The following RPAP2 variants were observed in gnomAD, a reference collection of about 807,000 sequenced individuals.
The protein encoded by RPAP2 is RNA polymerase II associated protein 2.
A neutral mutation model predicts 73.1 loss-of-function variants in RPAP2; 52 were observed. The ratio of observed to expected loss-of-function variants is 0.71; its 90% CI spans 0.57 to 0.90. The LOEUF (loss-of-function observed/expected upper bound fraction) is 0.90, where lower values mean the gene tolerates loss of function less well. Among genes scored for constraint, RPAP2 ranks in the 40% least tolerant of loss-of-function variants. The pLI is 0.00. For synonymous variants in RPAP2, 225 were observed against 242.1 expected, an observed-to-expected ratio of 0.93 and a Z score of 0.65; for missense variants, 598 against 701.8, an observed-to-expected ratio of 0.85 and a Z score of 1.67.
intron 11 of RPAP2, among the ~76,000 whole-genome samples, chr1:92,359,054 C>T (rs1023155260): frequency 6.5e-4 from 99 of 152,256 alleles, no homozygotes; most frequent in African/African-American, 2.3e-3. Flanking sequence ...GTATCTTGCC[C>T]CCACCTTTTA....
At chr1:92,299,354 A>G (rs1464571036) in intron 1 of RPAP2, among the ~76,000 whole-genome samples, 1 of 152,126 alleles carries the variant, frequency 6.6e-6, no homozygotes, top group East Asian at 1.9e-4. Context: ...CAGTGTTCCA[A>G]GATTTCCCTC....
chr1:92,306,896 A>T (rs1188550235), intron 5 of RPAP2, among the ~76,000 whole-genome samples: 1 of 152,214 alleles, frequency 6.6e-6, no homozygotes, highest in Non-Finnish European at 1.5e-5. Flanking sequence ...GCAAAACTGA[A>T]TATTTTTTAA....
chr1:92,358,156 G>C (rs1053110115), intron 11 of RPAP2, among the ~76,000 whole-genome samples: 1 of 152,182 alleles, frequency 6.6e-6, no homozygotes, highest in African/African-American at 2.4e-5. Flanking sequence ...CCCTTCAAAG[G>C]CTTTCAATTG....
In RPAP2 at chr1:92,345,914, T is replaced by C; in HGVS notation, c.1688T>C (p.Leu563Ser). The stretch of plus-strand genomic sequence containing the variant: ...TTAATTGCTATGGTGTTGCTGTCAT[T>C]GTAAGTACTCTCTCAGATTTTAACT... ...WTLIAMVLLS[L>S]LTPILGIQKH... Residue 563 changes from leucine to serine, a missense_variant and splice_region_variant, in exon 11 of 13, where the codon TTA (leucine) becomes TCA (serine). Physicochemically the swap from Leu to Ser is moderately radical, Grantham distance 145. Around this residue, in one of 3 missense-constraint regions of RPAP2, gnomAD observed 506 missense variants for 612.8 expected, o/e 0.83. Coordinates refer to ENST00000610020, the MANE Select transcript of RPAP2 (RefSeq NM_024813.3). 1 of 1,591,492 alleles carries C rather than the reference T, an allele frequency of 6.3e-7. No homozygotes were observed. Among genetic ancestry groups the C allele is most frequent in the Non-Finnish European group, 8.6e-7 (1 of 1,161,156 alleles).
Position 92,388,647 on chromosome 1 carries a change from G to A in RPAP2, c.*1636G>A, listed in dbSNP as rs1361139731. 2 of 152,230 alleles carry A rather than the reference G, an allele frequency of 1.3e-5. No individual in the cohort carries two copies. The highest frequency in any genetic ancestry group is 4.8e-5 in the African/African-American group (2 of 41,446). The allele number at this position is 152,230 out of a possible 1,614,324, so 9.4% of individuals were successfully genotyped here. A position where few individuals can be genotyped will look rare whatever the true frequency, so the allele number is the denominator to read the frequency against. On this transcript the variant is annotated 3_prime_UTR_variant, in exon 13 of 13. Coordinates refer to ENST00000610020, the MANE Select transcript of RPAP2 (RefSeq NM_024813.3). ...AAGCCGTGAGTGACTATACCTGGAGGAGGGGTACACTCCTGCCCAAATACT... is the reference window on the plus strand; with the variant it reads ...AAGCCGTGAGTGACTATACCTGGAGAAGGGGTACACTCCTGCCCAAATACT...
chr1:92,333,416 A>G lies in RPAP2; in HGVS notation c.1481A>G (p.Asp494Gly), dbSNP rs372072180. 20 of 1,613,576 alleles carry G rather than the reference A, an allele frequency of 1.2e-5. No homozygotes were observed. Among genetic ancestry groups the G allele is most frequent in the Non-Finnish European group, 1.5e-5 (18 of 1,179,622 alleles). The stretch of plus-strand genomic sequence containing the variant: ...CATGATTCCACCTTTCCACTGATAG[A>G]CTCAAGTTCCCAGAACCAGATTAGA... ...EEHDSTFPLI[D>G]SSSQNQIRKR... The change falls in exon 9 of 13, where the codon GAC (aspartate) becomes GGC (glycine). Residue 494 changes from aspartate to glycine, a missense_variant. This residue lies in a region of RPAP2 where 506 missense variants were observed against 612.8 expected (regional missense o/e 0.83). Coordinates refer to ENST00000610020, the MANE Select transcript of RPAP2 (RefSeq NM_024813.3).
At chr1:92,308,761 A>G (rs1217521786) in intron 6 of RPAP2, among the ~76,000 whole-genome samples, 1 of 152,148 alleles carries the variant, frequency 6.6e-6, no homozygotes, top group African/African-American at 2.4e-5. Flanking sequence ...GGAATTTGAG[A>G]CCAGCTTAGC....
At chr1:92,382,945 A>G (rs1190380462) in intron 12 of RPAP2, among the ~76,000 whole-genome samples, 5 of 152,138 alleles carry the variant, frequency 3.3e-5, no homozygotes, top group African/African-American at 1.2e-4. Flanking sequence ...TAATTTTTGT[A>G]TAAGGTGTAA....
intron 11 of RPAP2, among the ~76,000 whole-genome samples, chr1:92,365,714 G>A (rs1046249707): frequency 7.2e-5 from 11 of 152,142 alleles, no homozygotes; most frequent in Admixed American, 3.3e-4. Flanking sequence ...TCATTTGTAC[G>A]TTTTATTTGG....
intron 9 of RPAP2, among the ~76,000 whole-genome samples, chr1:92,335,129 G>A (rs1053319166): frequency 2.0e-5 from 3 of 151,080 alleles, no homozygotes; most frequent in East Asian, 1.9e-4. Flanking sequence ...TCTCCATAGT[G>A]GGTGTACTAA....
rs1571165856 is a variant in RPAP2 at position 92,396,721 on chromosome 1, A to G, written c.*9710A>G. Reference sequence around the variant, plus strand: ...AATGGCGCGATCTCAGCTCACCACAACCTCCGCCTCCTGGGTTGAAGCATT... The same window carrying G: ...AATGGCGCGATCTCAGCTCACCACAGCCTCCGCCTCCTGGGTTGAAGCATT... On this transcript the variant is annotated 3_prime_UTR_variant, in exon 13 of 13. Transcript: ENST00000610020. The G allele has an allele frequency of 6.6e-6, 1 of 152,216 alleles. No individual in the cohort carries two copies. Among genetic ancestry groups the G allele is most frequent in the Non-Finnish European group, 1.5e-5 (1 of 68,472 alleles). 9.4% of individuals were successfully genotyped at this position (152,216 alleles called of 1,614,324 possible).
At chr1:92,344,230 T>A (rs1295516684) in intron 10 of RPAP2, among the ~76,000 whole-genome samples, 5 of 152,048 alleles carry the variant, frequency 3.3e-5, no homozygotes, top group Non-Finnish European at 7.4e-5. Context: ...GGCAACATAG[T>A]GAAAGCCCAC....
chr1:92,311,628 T>G (rs938596060), intron 6 of RPAP2, among the ~76,000 whole-genome samples: 10 of 152,198 alleles, frequency 6.6e-5, no homozygotes, highest in Non-Finnish European at 1.0e-4. Context: ...ATATTGAATT[T>G]GACCTAATTT....
chr1:92,385,239 T>C (rs1655820353), intron 12 of RPAP2, among the ~76,000 whole-genome samples: 1 of 152,040 alleles, frequency 6.6e-6, no homozygotes, highest in Non-Finnish European at 1.5e-5. Context: ...CCAGAAGTCC[T>C]TCTAAACCTG....
At chr1:92,317,280 G>A (rs1453731593) in intron 6 of RPAP2, among the ~76,000 whole-genome samples, 3 of 152,078 alleles carry the variant, frequency 2.0e-5, no homozygotes, top group Admixed American at 6.5e-5. Flanking sequence ...AGGCCGAGGC[G>A]GGTGAATCAT....
chr1:92,337,856 T>C (rs1340703456), intron 10 of RPAP2, among the ~76,000 whole-genome samples: 4 of 152,182 alleles, frequency 2.6e-5, no homozygotes, highest in Non-Finnish European at 4.4e-5. Flanking sequence ...TTTAATGTTG[T>C]GACTACTAGT....
intron 11 of RPAP2, among the ~76,000 whole-genome samples, chr1:92,380,134 C>G (rs375061548): frequency 6.6e-6 from 1 of 151,212 alleles, no homozygotes; most frequent in Admixed American, 6.6e-5. Flanking sequence ...GAAAATTAGC[C>G]GGGCGTGGTG....
At chr1:92,300,349 T>A (rs1650737192) in intron 2 of RPAP2, 110 bp downstream of exon 2, 10 of 821,902 alleles carry the variant, frequency 1.2e-5, no homozygotes, top group Admixed American at 2.2e-5. Flanking sequence ...AAAATTATCA[T>A]GAGAGGGAAG....
intron 11 of RPAP2, among the ~76,000 whole-genome samples, chr1:92,379,968 T>C (rs954451028): frequency 1.4e-5 from 2 of 145,270 alleles, no homozygotes; most frequent in African/African-American, 5.1e-5. Context: ...TAAATAAATA[T>C]AAAAATGTTG....
Sources: allele counts gnomAD v4.1 joint callset (sites outside exome capture counted in the v4.1 genomes callset), GRCh38; gene constraint gnomAD v4.1.1; regional missense constraint gnomAD v4.1.1; transcripts MANE v1.5; gene names NCBI Gene and HGNC (gene_info 2026-07-23, HGNC 2026-07-21).